The following ITPK1 variants were observed in gnomAD, a reference collection of about 807,000 sequenced individuals.
ITPK1 encodes inositol 1,3,4-trisphosphate 5/6-kinase.
ITPK1 carries 21 observed loss-of-function variants against 45.3 expected under a neutral mutation model. That is an observed-to-expected ratio of 0.46 (90% CI 0.33 to 0.67). The LOEUF is 0.67. Among genes scored for constraint, ITPK1 ranks in the 30% least tolerant of loss-of-function variants. ITPK1 has a pLI of 0.02. For synonymous variants in ITPK1, 258 were observed against 253.6 expected (o/e 1.02, Z -0.16); for missense variants, 474 against 573.5 (o/e 0.83, Z 1.77).
chr14:92,979,836 C>CAA (rs1324938716), intron 5 of ITPK1, among the ~76,000 whole-genome samples: 3 of 150,348 alleles, frequency 2.0e-5, no homozygotes, highest in Non-Finnish European at 4.4e-5. Flanking sequence ...TTTTTGGAGA[C>CAA]AGAGTCTCAC....
Position 93,115,196 on chromosome 14 carries a change from G to A in ITPK1, c.-33C>T, listed in dbSNP as rs1232520465. Reference sequence around the variant, plus strand: ...CTCGGGCGGGGAGCCTGGGTCCGGAGGAAATCGCCCACAGGCCGAGTCTGG... The same window carrying A: ...CTCGGGCGGGGAGCCTGGGTCCGGAAGAAATCGCCCACAGGCCGAGTCTGG... On this transcript the variant is annotated 5_prime_UTR_variant, in exon 2 of 11. Transcript: ENST00000267615. The A allele has an allele frequency of 6.6e-7, 1 of 1,511,680 alleles. No homozygotes were observed. The highest frequency in any genetic ancestry group is 9.1e-7 in the Non-Finnish European group (1 of 1,097,550). 93.6% of individuals were successfully genotyped at this position (1,511,680 alleles called of 1,614,324 possible). A position where few individuals can be genotyped will look rare whatever the true frequency, so the allele number is the denominator to read the frequency against.
At chr14:92,998,725 G>A (rs1887185037) in intron 4 of ITPK1, among the ~76,000 whole-genome samples, 2 of 152,090 alleles carry the variant, frequency 1.3e-5, no homozygotes, top group South Asian at 4.1e-4. Flanking sequence ...CTTCTACCCT[G>A]CACCCCTAAG....
At chr14:92,952,038 G>A (rs562822990) in intron 8 of ITPK1, 25 bp from the exon 9 acceptor site, 65 of 1,552,368 alleles carry the variant, frequency 4.2e-5, no homozygotes, top group East Asian at 1.9e-4. Flanking sequence ...GGAAGGAGCC[G>A]GCGTTAGAAC....
At position 93,032,884 on chromosome 14, in the gene ITPK1, A is replaced by G. The variant is rs1566746362; in HGVS notation, c.121-16083T>C. Among the ~76,000 whole-genome samples, 2 of 152,210 alleles carry G rather than the reference A, an allele frequency of 1.3e-5. No individual in the cohort carries two copies. Among genetic ancestry groups the G allele is most frequent in the East Asian group, 1.9e-4 (1 of 5,202 alleles). On this transcript the variant is annotated intron_variant, in intron 3 of 10. Transcript: ENST00000267615. This position sits in a 1 kb window ranked among gnomAD's most constrained non-coding sequence, Gnocchi z 4.0. ...AAGGCCAGCACGGATCGGATCGTGCACCCTGCAAAGCCAGCCCTTTTCTCT... is the reference window on the plus strand; with the variant it reads ...AAGGCCAGCACGGATCGGATCGTGCGCCCTGCAAAGCCAGCCCTTTTCTCT...
At chr14:93,107,087 A>G (rs1327668184) in intron 2 of ITPK1, among the ~76,000 whole-genome samples, 1 of 152,066 alleles carries the variant, frequency 6.6e-6, no homozygotes, top group Non-Finnish European at 1.5e-5. Flanking sequence ...CGTCCCAAGT[A>G]GCTGGGATAA....
At position 93,085,245 on chromosome 14, in the gene ITPK1, C is replaced by T. The variant is rs550505525; in HGVS notation, c.96-8626G>A. Among the ~76,000 whole-genome samples, 82 of 152,374 alleles carry T rather than the reference C, an allele frequency of 5.4e-4. 2 individuals are homozygous for T. Among genetic ancestry groups the T allele is most frequent in the African/African-American group, 1.9e-3 (80 of 41,588 alleles). On this transcript the variant is annotated intron_variant, in intron 2 of 10. Transcript: ENST00000267615. Reference sequence around the variant, plus strand: ...AGTACAAACATTTGAATTGTCTGGACAGCTCTAGGGAAGAACCAGATAAAC... The same window carrying T: ...AGTACAAACATTTGAATTGTCTGGATAGCTCTAGGGAAGAACCAGATAAAC...
In ITPK1 at chr14:92,941,540, C is replaced by T. The variant is rs1281650610; in HGVS notation, c.*21G>A. 2 of 1,517,856 alleles carry T rather than the reference C, an allele frequency of 1.3e-6. No homozygotes were observed. The highest frequency in any genetic ancestry group is 1.4e-5 in the African/African-American group (1 of 70,804). The allele number at this position is 1,517,856 out of a possible 1,614,324, so 94.0% of individuals were successfully genotyped here. A position where few individuals can be genotyped will look rare whatever the true frequency, so the allele number is the denominator to read the frequency against. ...GTGTGCTCTGCGCCCTGCGCTGCCC[C>T]TCTGGGTCCCGGCTCCGTGGCTACT... On this transcript the variant is annotated 3_prime_UTR_variant, in exon 11 of 11. Transcript: ENST00000267615.
intron 8 of ITPK1, among the ~76,000 whole-genome samples, chr14:92,957,899 T>C (rs1187205610): frequency 6.6e-6 from 1 of 152,054 alleles, no homozygotes; most frequent in Non-Finnish European, 1.5e-5. Context: ...TCCATGAATA[T>C]CATTATTGTG....
intron 2 of ITPK1, among the ~76,000 whole-genome samples, chr14:93,085,085 A>ACCCCTGCC (rs1891594870): frequency 6.6e-6 from 1 of 152,102 alleles, no homozygotes; most frequent in Admixed American, 6.5e-5. Context: ...GCCCCGTGTC[A>ACCCCTGCC]CCCCTGCCCG....
intron 10 of ITPK1, among the ~76,000 whole-genome samples, 153 bp from the exon 11 acceptor site, chr14:92,942,057 A>G (rs978216631): frequency 6.6e-6 from 1 of 152,180 alleles, no homozygotes; most frequent in African/African-American, 2.4e-5. Context: ...GGCTCAGCAG[A>G]TAAGGGGGGC....
In ITPK1 at chr14:92,941,298, A is replaced by C; in HGVS notation, c.*263T>G. 1 of 1,396,616 alleles carries C rather than the reference A, an allele frequency of 7.2e-7. No homozygotes were observed. The highest frequency in any genetic ancestry group is 9.2e-7 in the Non-Finnish European group (1 of 1,082,002). 86.5% of individuals were successfully genotyped at this position (1,396,616 alleles called of 1,614,324 possible). On this transcript the variant is annotated 3_prime_UTR_variant, in exon 11 of 11. Transcript: ENST00000267615. Reference sequence around the variant, plus strand: ...ATCCAGACCTAGTGTTGCAAACACAAGCGTGTGTAAACTCAGTTAGGAGGT... The same window carrying C: ...ATCCAGACCTAGTGTTGCAAACACACGCGTGTGTAAACTCAGTTAGGAGGT...
intron 5 of ITPK1, among the ~76,000 whole-genome samples, chr14:92,969,603 G>A (rs1045040775): frequency 8.5e-5 from 13 of 152,198 alleles, no homozygotes; most frequent in Admixed American, 5.9e-4. Context: ...CTGCCTGCCT[G>A]AGGGACAGCG....
intron 5 of ITPK1, among the ~76,000 whole-genome samples, chr14:92,981,813 A>G (rs1482006392): frequency 6.6e-6 from 1 of 152,232 alleles, no homozygotes. Context: ...GTCTGTGAGT[A>G]GGGAGGAAGG....
intron 2 of ITPK1, among the ~76,000 whole-genome samples, chr14:93,104,183 G>A (rs1892433732): frequency 6.6e-6 from 1 of 152,182 alleles, no homozygotes; most frequent in Non-Finnish European, 1.5e-5. Context: ...CACAAAGGAT[G>A]CTCAGAAAAG....
intron 5 of ITPK1, among the ~76,000 whole-genome samples, chr14:92,981,203 T>A (rs1366613743): frequency 6.6e-6 from 1 of 152,124 alleles, no homozygotes; most frequent in Admixed American, 6.5e-5. Flanking sequence ...CTGGCCTCCA[T>A]CCTATTTCTT....
intron 2 of ITPK1, among the ~76,000 whole-genome samples, chr14:93,100,859 A>T (rs1336390596): frequency 6.6e-6 from 1 of 152,112 alleles, no homozygotes; most frequent in Non-Finnish European, 1.5e-5. Flanking sequence ...ATGGAAACAG[A>T]TTTGCAGCCA....
intron 2 of ITPK1, among the ~76,000 whole-genome samples, chr14:93,108,868 C>T (rs1892626492): frequency 6.6e-6 from 1 of 152,152 alleles, no homozygotes; most frequent in Non-Finnish European, 1.5e-5. Flanking sequence ...GAAAAATTAG[C>T]CAGGTGTGGT....
At chr14:92,954,085 G>C (rs1888086677) in intron 8 of ITPK1, among the ~76,000 whole-genome samples, 1 of 152,140 alleles carries the variant, frequency 6.6e-6, no homozygotes, top group Non-Finnish European at 1.5e-5. Context: ...AGTAGAGACG[G>C]GGTTTTGCCA....
chr14:93,067,886 A>G (rs1325564682), intron 3 of ITPK1: 1 of 139,046 alleles, frequency 7.2e-6, no homozygotes, highest in Non-Finnish European at 1.5e-5. Flanking sequence ...GTTTAGGGGG[A>G]AAAAAATACC....
Sources: gnomAD v4.1 joint callset for allele counts (sites outside exome capture counted in the v4.1 genomes callset) on GRCh38, gnomAD v4.1.1 for gene constraint, Gnocchi (gnomAD v3.1) non-coding constraint, MANE v1.5 for transcripts, NCBI Gene and HGNC (gene_info 2026-07-23, HGNC 2026-07-21) for gene names.